CMIP: variants seen among roughly 807,000 people sequenced by gnomAD.
CMIP encodes the protein c-Maf inducing protein, also known as C-Maf-inducing protein.
CMIP carries 13 observed loss-of-function variants against 97.3 expected under a neutral mutation model. That is an observed-to-expected ratio of 0.13 (90% CI 0.09 to 0.21). CMIP has a LOEUF of 0.21. CMIP is among the 10% of genes least tolerant of loss of function. CMIP has a pLI of 1.00. For synonymous variants in CMIP, 538 were observed against 436.3 expected, an observed-to-expected ratio of 1.23 and a Z score of -2.91; for missense variants, 847 against 1,024.9, an observed-to-expected ratio of 0.83 and a Z score of 2.37.
intron 1 of CMIP, among the ~76,000 whole-genome samples, chr16:81,510,241 C>T (rs1329185813): frequency 6.6e-6 from 1 of 152,090 alleles, no homozygotes; most frequent in Non-Finnish European, 1.5e-5. Context: ...CTCACAGCTG[C>T]CCAGGAGCTC....
At chr16:81,457,091 C>T (rs1042913921) in intron 1 of CMIP, among the ~76,000 whole-genome samples, 7 of 152,054 alleles carry the variant, frequency 4.6e-5, no homozygotes, top group Non-Finnish European at 8.8e-5. Context: ...GCGAGCGTCC[C>T]GCCCTGTCTG....
chr16:81,551,481 A>T (rs1330356982), intron 1 of CMIP, among the ~76,000 whole-genome samples: 1 of 152,206 alleles, frequency 6.6e-6, no homozygotes, highest in Non-Finnish European at 1.5e-5. Context: ...ATGAAAAAAC[A>T]TTTGGGGTCC....
intron 1 of CMIP, among the ~76,000 whole-genome samples, chr16:81,468,874 T>A (rs1161459959): frequency 1.3e-5 from 2 of 151,908 alleles, no homozygotes; most frequent in Non-Finnish European, 2.9e-5. Flanking sequence ...AGGCCTCAGG[T>A]GTATTGAGTG....
At chr16:81,667,954 TG>T (rs2092628476) in intron 7 of CMIP, among the ~76,000 whole-genome samples, 1 of 151,962 alleles carries the variant, frequency 6.6e-6, no homozygotes, top group Admixed American at 6.6e-5. Context: ...CCCCCTGCAC[TG>T]TCTCTCACAA....
intron 1 of CMIP, among the ~76,000 whole-genome samples, chr16:81,497,910 T>C (rs116711199): frequency 0.047 from 7,131 of 152,376 alleles, 191 homozygotes; most frequent in Non-Finnish European, 0.064. Flanking sequence ...GCTCCAGCTG[T>C]GGTCCCCCCA....
intron 1 of CMIP, among the ~76,000 whole-genome samples, chr16:81,591,622 G>T (rs529448242): frequency 6.6e-6 from 1 of 152,242 alleles, no homozygotes; most frequent in African/African-American, 2.4e-5. Context: ...TGAGGAACAG[G>T]CAGAGCTAAT....
At chr16:81,477,620 C>A (rs1211397665) in intron 1 of CMIP, among the ~76,000 whole-genome samples, 1 of 152,206 alleles carries the variant, frequency 6.6e-6, no homozygotes, top group Non-Finnish European at 1.5e-5. Flanking sequence ...ACTCCGGGAT[C>A]ATATAATATT....
intron 10 of CMIP, among the ~76,000 whole-genome samples, chr16:81,686,928 G>A (rs1189767690): frequency 1.3e-5 from 2 of 151,768 alleles, no homozygotes; most frequent in Non-Finnish European, 2.9e-5. Context: ...GCACCCCCTG[G>A]CCTCTCCCGT....
chr16:81,675,730 G>A (rs557549694), intron 9 of CMIP, among the ~76,000 whole-genome samples: 11 of 152,304 alleles, frequency 7.2e-5, no homozygotes, highest in East Asian at 5.8e-4. Context: ...GCAGAGAGAG[G>A]AAAGGGAAGC....
chr16:81,464,438 C>T (rs1907079628), intron 1 of CMIP: 1 of 152,330 alleles, frequency 6.6e-6, no homozygotes, highest in Non-Finnish European at 1.5e-5. Flanking sequence ...GCTGTTTTCT[C>T]ACTTTGTCTA....
chr16:81,478,196 G>T (rs531498329), intron 1 of CMIP, among the ~76,000 whole-genome samples: 1 of 152,184 alleles, frequency 6.6e-6, no homozygotes, highest in Non-Finnish European at 1.5e-5. Flanking sequence ...GACACATTGC[G>T]TGGGCATTCC....
intron 8 of CMIP, among the ~76,000 whole-genome samples, chr16:81,671,572 G>A (rs990868805): frequency 5.3e-5 from 8 of 152,210 alleles, no homozygotes; most frequent in South Asian, 4.1e-4. Flanking sequence ...GTCCCAGGAC[G>A]TATGGCCACC....
chr16:81,450,795 C>T (rs1906159907), intron 1 of CMIP, among the ~76,000 whole-genome samples: 1 of 152,178 alleles, frequency 6.6e-6, no homozygotes, highest in African/African-American at 2.4e-5. Context: ...ATGTATGCAT[C>T]AGGTAGATTT....
At chr16:81,584,720 G>A (rs923879345) in intron 1 of CMIP, among the ~76,000 whole-genome samples, 17 of 152,172 alleles carry the variant, frequency 1.1e-4, no homozygotes, top group African/African-American at 3.4e-4. Flanking sequence ...TCAACACATC[G>A]TGAGATGCCA....
intron 4 of CMIP, among the ~76,000 whole-genome samples, chr16:81,653,286 C>A (rs973079842): frequency 6.6e-6 from 1 of 152,202 alleles, no homozygotes; most frequent in Non-Finnish European, 1.5e-5. Context: ...CATGCAAGTG[C>A]CTGGCTGCCT....
chr16:81,673,541 A>AAAGC (rs1424847915), intron 9 of CMIP, among the ~76,000 whole-genome samples: 1 of 151,608 alleles, frequency 6.6e-6, no homozygotes, highest in South Asian at 2.1e-4. Context: ...AATAAATAAG[A>AAAGC]AAGCAAGCAA....
intron 7 of CMIP, chr16:81,665,635 A>G (rs568009463): frequency 1.3e-5 from 2 of 152,292 alleles, no homozygotes; most frequent in African/African-American, 4.8e-5. Flanking sequence ...GCACGTGAAA[A>G]CAACTGAAAA....
At chr16:81,508,938 C>CT (rs2089760718) in intron 1 of CMIP, among the ~76,000 whole-genome samples, 1 of 152,224 alleles carries the variant, frequency 6.6e-6, no homozygotes, top group African/African-American at 2.4e-5. Context: ...TTGGCCTTGC[C>CT]TGCCATTCCT....
chr16:81,644,686 T>G (rs1174294431), intron 3 of CMIP, among the ~76,000 whole-genome samples: 1 of 152,222 alleles, frequency 6.6e-6, no homozygotes, highest in Non-Finnish European at 1.5e-5. Context: ...ACTTAGCATC[T>G]GCAGCCATAG....
Sources: gnomAD v4.1 joint callset for allele counts (sites outside exome capture counted in the v4.1 genomes callset) on GRCh38, gnomAD v4.1.1 for gene constraint, MANE v1.5 for transcripts, NCBI Gene and HGNC (gene_info 2026-07-23, HGNC 2026-07-21) for gene names.